The following NPAS3 variants were observed in gnomAD, a reference collection of about 807,000 sequenced individuals.
NPAS3 encodes the protein neuronal PAS domain protein 3.
NPAS3 carries 14 observed loss-of-function variants against 73.1 expected under a neutral mutation model. The observed-to-expected ratio is 0.19, with a 90% confidence interval of 0.13 to 0.30. NPAS3 has a LOEUF of 0.30. Among genes scored for constraint, NPAS3 ranks in the 10% least tolerant of loss-of-function variants. The pLI is 1.00. For synonymous variants in NPAS3, 620 were observed against 541.5 expected (o/e 1.14, Z -2.01); for missense variants, 1,096 against 1,250.0 (o/e 0.88, Z 1.86).
intron 5 of NPAS3, among the ~76,000 whole-genome samples, chr14:33,595,940 A>G (rs1207677389): frequency 6.6e-6 from 1 of 152,154 alleles, no homozygotes; most frequent in Non-Finnish European, 1.5e-5. Flanking sequence ...AAAGTGCTAG[A>G]TTTTAAGGGA....
Position 33,462,329 on chromosome 14 carries a change from G to C in NPAS3, c.468+95061G>C, listed in dbSNP as rs145813816. On this transcript the variant is annotated intron_variant, in intron 4 of 11. Transcript: ENST00000356141. ...CATTATTGCTGCTGGCAAACCTCTG[G>C]TTCTCGTCTCCTTCTGGGCACAAGG... 3.8e-3 allele frequency among the ~76,000 whole-genome samples: 579 copies of C among 152,232 alleles called. 7 individuals carry two copies. Among genetic ancestry groups the C allele is most frequent in the Non-Finnish European group, 4.0e-3 (273 of 68,026 alleles).
chr14:33,004,838 G>GTTTTTTTTTTTTTTTTTTTTTTTTTT (rs1555320105), intron 1 of NPAS3, among the ~76,000 whole-genome samples: 104 of 51,460 alleles, frequency 2.0e-3, no homozygotes, highest in Middle Eastern at 0.016. Flanking sequence ...TTTTTTTTTA[G>GTTTTTTTTTTTTTTTTTTTTTTTTTT]TTTTAAAACT....
chr14:33,203,913 G>A (rs377083437), intron 2 of NPAS3, among the ~76,000 whole-genome samples: 3 of 152,106 alleles, frequency 2.0e-5, no homozygotes, highest in African/African-American at 4.8e-5. Context: ...CTTCCACAAC[G>A]GTTGAACTAG....
intron 2 of NPAS3, among the ~76,000 whole-genome samples, chr14:33,204,308 C>T (rs1312428351): frequency 6.6e-6 from 1 of 152,098 alleles, no homozygotes; most frequent in Non-Finnish European, 1.5e-5. Context: ...TATATGTAGT[C>T]TCATGCCATA....
At chr14:33,248,286 G>T (rs965315105) in intron 3 of NPAS3, among the ~76,000 whole-genome samples, 1 of 152,164 alleles carries the variant, frequency 6.6e-6, no homozygotes, top group Admixed American at 6.5e-5. Context: ...TGCCACGTTG[G>T]CTGTCATAAA....
intron 5 of NPAS3, among the ~76,000 whole-genome samples, chr14:33,624,818 AT>A (rs2058177269): frequency 6.6e-6 from 1 of 152,186 alleles, no homozygotes; most frequent in African/African-American, 2.4e-5. Flanking sequence ...AGTTTTGCGC[AT>A]CTAGTTTATA....
chr14:33,768,509 G>T (rs2062537612), intron 7 of NPAS3, among the ~76,000 whole-genome samples: 1 of 152,110 alleles, frequency 6.6e-6, no homozygotes, highest in Non-Finnish European at 1.5e-5. Flanking sequence ...TTATCAATTT[G>T]CAGCTGTATT....
intron 1 of NPAS3, among the ~76,000 whole-genome samples, chr14:33,016,278 T>C (rs545821115): frequency 2.0e-3 from 308 of 152,254 alleles, no homozygotes; most frequent in Non-Finnish European, 3.2e-3. Flanking sequence ...TTGCCCCGCT[T>C]AATACAGAGC....
At chr14:33,269,863 C>A (rs1194512878) in intron 3 of NPAS3, among the ~76,000 whole-genome samples, 1 of 152,194 alleles carries the variant, frequency 6.6e-6, no homozygotes, top group African/African-American at 2.4e-5. Flanking sequence ...CTCATTCAAC[C>A]AGTGATTTAC....
intron 6 of NPAS3, among the ~76,000 whole-genome samples, chr14:33,703,904 C>G (rs1025223735): frequency 6.6e-6 from 1 of 152,168 alleles, no homozygotes; most frequent in Non-Finnish European, 1.5e-5. Flanking sequence ...GACCCCAGAG[C>G]CCATGTTCTC....
chr14:33,018,077 G>A (rs1444594712), intron 1 of NPAS3, among the ~76,000 whole-genome samples: 6 of 152,108 alleles, frequency 3.9e-5, no homozygotes, highest in Non-Finnish European at 7.4e-5. Flanking sequence ...GAATAATTTG[G>A]CCACATCTAG....
intron 6 of NPAS3, among the ~76,000 whole-genome samples, chr14:33,699,508 G>A (rs1375566683): frequency 1.3e-5 from 2 of 152,092 alleles, no homozygotes; most frequent in African/African-American, 2.4e-5. Flanking sequence ...CCAGGAAAGT[G>A]GCTGCATTCG....
intron 2 of NPAS3, among the ~76,000 whole-genome samples, chr14:33,078,928 G>GA (rs2041766188): frequency 6.6e-6 from 1 of 152,144 alleles, no homozygotes; most frequent in Non-Finnish European, 1.5e-5. Flanking sequence ...TTTAATATCA[G>GA]AAAATAATTG....
At chr14:33,058,358 T>C (rs2040966425) in intron 2 of NPAS3, among the ~76,000 whole-genome samples, 1 of 152,194 alleles carries the variant, frequency 6.6e-6, no homozygotes, top group Non-Finnish European at 1.5e-5. Context: ...TAGCTTTCAG[T>C]GTCAAACCAT....
intron 2 of NPAS3, among the ~76,000 whole-genome samples, chr14:33,204,055 G>A (rs560470738): frequency 2.1e-4 from 32 of 152,130 alleles, no homozygotes; most frequent in African/African-American, 6.3e-4. Flanking sequence ...TTTGATTTGC[G>A]TTTCTCTGAT....
intron 1 of NPAS3, among the ~76,000 whole-genome samples, chr14:33,001,696 C>T (rs1959168): frequency 2.6e-5 from 4 of 152,118 alleles, no homozygotes; most frequent in East Asian, 1.9e-4. Flanking sequence ...TCTGCACACA[C>T]TCTTGATAGT....
At chr14:33,639,953 C>A (rs1328924481) in intron 5 of NPAS3, among the ~76,000 whole-genome samples, 3 of 152,164 alleles carry the variant, frequency 2.0e-5, no homozygotes, top group African/African-American at 2.4e-5. Flanking sequence ...CACAGTGACT[C>A]ACACCTGTAG....
At chr14:32,957,797 T>A (rs536188935) in intron 1 of NPAS3, among the ~76,000 whole-genome samples, 1 of 152,324 alleles carries the variant, frequency 6.6e-6, no homozygotes, top group African/African-American at 2.4e-5. Flanking sequence ...CTGACTTCTG[T>A]CTCTTAGTGT....
chr14:33,091,299 A>T (rs2042216395), intron 2 of NPAS3, among the ~76,000 whole-genome samples: 1 of 152,208 alleles, frequency 6.6e-6, no homozygotes, highest in African/African-American at 2.4e-5. Flanking sequence ...AAAAAATGAT[A>T]AAGGGGATAT....
Sources: allele counts gnomAD v4.1 joint callset (sites outside exome capture counted in the v4.1 genomes callset), GRCh38; gene constraint gnomAD v4.1.1; transcripts MANE v1.5; gene names NCBI Gene and HGNC (gene_info 2026-07-23, HGNC 2026-07-21).